The following RUBCNL variants were observed in gnomAD, a reference collection of about 807,000 sequenced individuals.
RUBCNL encodes protein associated with UVRAG as autophagy enhancer.
RUBCNL carries 62 observed loss-of-function variants against 69.5 expected under a neutral mutation model. The observed-to-expected ratio is 0.89, with a 90% CI of 0.73 to 1.10. The LOEUF is 1.10. Among genes scored for constraint, RUBCNL ranks in the 50% least tolerant of loss-of-function variants. The probability of loss-of-function intolerance (pLI) is 0.00; values close to 1 mark genes in which losing one functional copy is unlikely to be tolerated. For missense variants in RUBCNL, 768 were observed against 798.1 expected (o/e 0.96, Z 0.45); for synonymous variants, 291 against 303.6 (o/e 0.96, Z 0.43).
At chr13:46,375,214 C>T (rs527731152) in intron 2 of RUBCNL, among the ~76,000 whole-genome samples, 1 of 152,230 alleles carries the variant, frequency 6.6e-6, no homozygotes, top group South Asian at 2.1e-4. Flanking sequence ...AAGAACAAAT[C>T]CAACAAAATG....
At chr13:46,349,397 C>A in intron 11 of RUBCNL, 50 bp from the exon 12 acceptor site, 1 of 1,504,376 alleles carries the variant, frequency 6.6e-7, no homozygotes, top group Non-Finnish European at 9.2e-7. Flanking sequence ...ATAAATGACA[C>A]GGGAAAAGTG....
intron 8 of RUBCNL, among the ~76,000 whole-genome samples, chr13:46,359,833 T>A (rs2048572645): frequency 6.6e-6 from 1 of 152,198 alleles, no homozygotes; most frequent in Non-Finnish European, 1.5e-5. Context: ...ACCACCCAGA[T>A]GAGATCACTT....
At chr13:46,389,797 C>T (rs568482111), upstream of RUBCNL, 1 of 152,270 alleles carries the variant, frequency 6.6e-6, no homozygotes, top group African/African-American at 2.4e-5. The surrounding 1 kb of genome is among the most constrained non-coding windows in gnomAD (Gnocchi z 4.2). Context: ...GAAATCTGCT[C>T]TGTCCCCTCT....
At chr13:46,358,366 T>A (rs908931600) in intron 9 of RUBCNL, among the ~76,000 whole-genome samples, 1 of 152,210 alleles carries the variant, frequency 6.6e-6, no homozygotes, top group Non-Finnish European at 1.5e-5. Flanking sequence ...AAAATTATAC[T>A]TGGTTAAAAT....
Position 46,372,286 on chromosome 13 carries a change from G to T in RUBCNL, c.190C>A (p.Gln64Lys). ...INPQDVQQQP[Q>K]DLQSQVPAAG... Reference sequence around the variant, plus strand: ...GCTGGCACCTGAGATTGCAAGTCCTGCGGCTGTTGCTGCACATCCTGGGGG... The same window carrying T: ...GCTGGCACCTGAGATTGCAAGTCCTTCGGCTGTTGCTGCACATCCTGGGGG... Residue 64 changes from glutamine (Q) to lysine (K), a missense_variant, in exon 3 of 15, where the codon CAG becomes AAG. Physicochemically the swap from Gln to Lys is moderately conservative, Grantham distance 53 (BLOSUM62 1). Coordinates refer to ENST00000429979, the MANE Select transcript of RUBCNL (RefSeq NM_025113.5). The T allele has an allele frequency of 6.2e-7, 1 of 1,614,016 alleles. No homozygotes were observed. The highest frequency in any genetic ancestry group is 8.5e-7 in the Non-Finnish European group (1 of 1,179,896).
At chr13:46,344,459 G>T (rs1043372549) in intron 14 of RUBCNL, among the ~76,000 whole-genome samples, 1 of 152,078 alleles carries the variant, frequency 6.6e-6, no homozygotes, top group Non-Finnish European at 1.5e-5. Context: ...AAGACAGAGA[G>T]GTGGGCACAG....
At chr13:46,387,865 T>C, upstream of RUBCNL, 2 of 985,382 alleles carry the variant, frequency 2.0e-6, no homozygotes, top group Non-Finnish European at 2.4e-6. Flanking sequence ...GAGATCATGG[T>C]GGTGCTAGGA....
rs1432504342 is a variant in RUBCNL, at chr13:46,345,555, C to T, written c.1677G>A (p.Glu559=). 3 of 1,613,582 alleles carry T rather than the reference C, an allele frequency of 1.9e-6. No individual in the cohort carries two copies. Among genetic ancestry groups the T allele is most frequent in the Non-Finnish European group, 2.5e-6 (3 of 1,179,746 alleles). ...FEQVPGHLTD[E]LHLFSLEDLV... ...GGTCCTCAAGGGAGAACAGGTGGAG[C>T]TCATCAGTCAAGTGTCCCGGCACCT... The change falls in exon 13 of 15, where the codon GAG becomes GAA. Residue 559 remains glutamate (E), a synonymous_variant. Coordinates refer to ENST00000429979, the MANE Select transcript of RUBCNL (RefSeq NM_025113.5).
intron 1 of RUBCNL, among the ~76,000 whole-genome samples, chr13:46,383,907 C>A (rs1456932580): frequency 4.6e-5 from 7 of 152,184 alleles, no homozygotes; most frequent in Non-Finnish European, 1.0e-4. Context: ...GAGGCCCAGG[C>A]TAAACTAATT....
intron 1 of RUBCNL, among the ~76,000 whole-genome samples, chr13:46,380,180 G>A (rs1594184284): frequency 6.6e-6 from 1 of 152,200 alleles, no homozygotes; most frequent in Non-Finnish European, 1.5e-5. Flanking sequence ...AGGACAGAAA[G>A]CAATCAAGAG....
chr13:46,345,028 T>C (rs989076742), intron 13 of RUBCNL, among the ~76,000 whole-genome samples, 197 bp from the exon 14 acceptor site: 3 of 152,228 alleles, frequency 2.0e-5, no homozygotes, highest in Non-Finnish European at 4.4e-5. Context: ...CAATTCCATA[T>C]CAAAGCAGTT....
At chr13:46,353,910 T>G (rs1205013808) in intron 10 of RUBCNL, among the ~76,000 whole-genome samples, 3 of 152,176 alleles carry the variant, frequency 2.0e-5, no homozygotes, top group African/African-American at 7.2e-5. Context: ...TTAATTTAAT[T>G]TTAAATAGCC....
At chr13:46,377,039 TA>T (rs2049009729) in intron 2 of RUBCNL, among the ~76,000 whole-genome samples, 2 of 143,494 alleles carry the variant, frequency 1.4e-5, no homozygotes, top group Admixed American at 1.4e-4. Flanking sequence ...TGACTTTTTT[TA>T]GTTCCTTTCT....
intron 12 of RUBCNL, among the ~76,000 whole-genome samples, chr13:46,348,529 G>T (rs1047029828): frequency 5.3e-5 from 8 of 151,988 alleles, no homozygotes; most frequent in Non-Finnish European, 7.4e-5. Flanking sequence ...GAAGGAGCCT[G>T]GTGGGAGGTA....
chr13:46,386,802 T>C (rs370395765), intron 1 of RUBCNL, among the ~76,000 whole-genome samples: 68 of 152,252 alleles, frequency 4.5e-4, no homozygotes, highest in Middle Eastern at 6.8e-3. Context: ...GCGCAGGCTT[T>C]GTAGTCTCTG....
At position 46,345,502 on chromosome 13, in the gene RUBCNL, G is replaced by A. The variant is rs1266505140; in HGVS notation, c.1730C>T (p.Ala577Val). The A allele has an allele frequency of 6.2e-7, 1 of 1,603,182 alleles. No individual in the cohort carries two copies. ...TTTCAGAATGTCCTTGAGTAAGGGT[G>A]CCAGCAGCCCTTTCTTGATCCTGAC... ...DLVRIKKGLL[A>V]PLLKDILKAS... Residue 577 changes from alanine (A) to valine (V), a missense_variant, in exon 13 of 15, where the codon GCA (alanine) becomes GTA (valine). By Grantham distance (64) the Ala-to-Val change is moderately conservative. Transcript: ENST00000429979.
chr13:46,363,727 G>A (rs537102661), intron 5 of RUBCNL, among the ~76,000 whole-genome samples: 6 of 151,706 alleles, frequency 4.0e-5, no homozygotes, highest in Admixed American at 2.6e-4. Context: ...GTGGTGGCCC[G>A]GCCAGCACCT....
At chr13:46,347,499 T>G in intron 12 of RUBCNL, among the ~76,000 whole-genome samples, 1 of 152,196 alleles carries the variant, frequency 6.6e-6, no homozygotes, top group Non-Finnish European at 1.5e-5. Flanking sequence ...AAAAGTACAA[T>G]TTTTGAAGAC....
chr13:46,388,199 CAAAA>C (rs71074779), upstream of RUBCNL, among the ~76,000 whole-genome samples: 1 of 68,202 alleles, frequency 1.5e-5, no homozygotes, highest in Middle Eastern at 0.012. Flanking sequence ...GCAAGACTGT[CAAAA>C]AAAAAAAAAA....
Sources: allele counts gnomAD v4.1 joint callset (sites outside exome capture counted in the v4.1 genomes callset), GRCh38; gene constraint gnomAD v4.1.1; non-coding constraint Gnocchi (gnomAD v3.1); transcripts MANE v1.5; gene names NCBI Gene and HGNC (gene_info 2026-07-23, HGNC 2026-07-21).